The following TNFRSF8 variants were observed in gnomAD, a reference collection of about 807,000 sequenced individuals.
TNFRSF8 encodes tumor necrosis factor receptor superfamily member 8.
Under a neutral mutation model 70.8 loss-of-function variants are expected in TNFRSF8, and 26 were observed. The ratio of observed to expected loss-of-function variants is 0.37; its 90% CI spans 0.27 to 0.51. The LOEUF (loss-of-function observed/expected upper bound fraction) is 0.51, where lower values mean the gene tolerates loss of function less well. Ranked by LOEUF, TNFRSF8 falls within the 20% of genes least tolerant of loss-of-function variation. The probability of loss-of-function intolerance (pLI) is 0.94; values close to 1 mark genes in which losing one functional copy is unlikely to be tolerated. For synonymous variants in TNFRSF8, 356 were observed against 339.2 expected (o/e 1.05, Z -0.54); for missense variants, 720 against 807.9 (o/e 0.89, Z 1.32).
In TNFRSF8 at chr1:12,138,132, G is replaced by C. The variant is rs1383412970; in HGVS notation, c.1336-97G>C. On this transcript the variant is annotated intron_variant, in intron 13 of 14. Coordinates refer to ENST00000263932, the MANE Select transcript of TNFRSF8 (RefSeq NM_001243.5). This position sits in a 1 kb window ranked among gnomAD's most constrained non-coding sequence, Gnocchi z 5.7. ...TTAAAGCAGAAAGGGGGACTCACTGGGGTCTGTAGAGATGAAAAAAAAAAG... is the reference window on the plus strand; with the variant it reads ...TTAAAGCAGAAAGGGGGACTCACTGCGGTCTGTAGAGATGAAAAAAAAAAG... 4.0e-6 allele frequency: 5 copies of C among 1,259,580 alleles called. No individual in the cohort carries two copies. Among genetic ancestry groups the C allele is most frequent in the Non-Finnish European group, 4.4e-6 (4 of 913,832 alleles). The allele number at this position is 1,259,580 out of a possible 1,614,324, so 78.0% of individuals were successfully genotyped here. A position where few individuals can be genotyped will look rare whatever the true frequency, so the allele number is the denominator to read the frequency against.
At chr1:12,084,700 G>A in intron 2 of TNFRSF8, 149 bp downstream of exon 2, 1 of 739,644 alleles carries the variant, frequency 1.4e-6, no homozygotes, top group South Asian at 1.7e-5. Context: ...TAGTGTCGCG[G>A]AGTCCAAGGA....
chr1:12,075,251 A>AAAATT (rs1553153115), intron 1 of TNFRSF8, among the ~76,000 whole-genome samples: 2 of 143,866 alleles, frequency 1.4e-5, no homozygotes, highest in African/African-American at 2.6e-5. Flanking sequence ...CAAAAAAAAA[A>AAAATT]TTTTTTTTTT....
chr1:12,127,102 C>T (rs1641956283), intron 12 of TNFRSF8, among the ~76,000 whole-genome samples: 1 of 152,240 alleles, frequency 6.6e-6, no homozygotes, highest in Non-Finnish European at 1.5e-5. Flanking sequence ...TTCTAGCTCT[C>T]ACCTGGGGCA....
intron 2 of TNFRSF8, among the ~76,000 whole-genome samples, chr1:12,092,281 T>A (rs951733426): frequency 6.6e-6 from 1 of 151,650 alleles, no homozygotes; most frequent in African/African-American, 2.4e-5. Flanking sequence ...TGGGCTGAAG[T>A]GATCCTCCCA....
intron 6 of TNFRSF8, among the ~76,000 whole-genome samples, chr1:12,111,494 T>G (rs1461375391): frequency 1.3e-5 from 2 of 152,030 alleles, no homozygotes; most frequent in Admixed American, 6.6e-5. Context: ...CACCAGTCTT[T>G]AAAAGAGGGA....
chr1:12,083,878 C>T (rs1381683576), intron 1 of TNFRSF8, among the ~76,000 whole-genome samples: 2 of 152,112 alleles, frequency 1.3e-5, no homozygotes, highest in Non-Finnish European at 2.9e-5. Context: ...TATGTAAAAT[C>T]CAAAAGCAGT....
At chr1:12,118,704 G>C (rs1641777633) in intron 8 of TNFRSF8, among the ~76,000 whole-genome samples, 1 of 152,158 alleles carries the variant, frequency 6.6e-6, no homozygotes, top group Admixed American at 6.6e-5. Flanking sequence ...TCATCTCTAG[G>C]TTCTCCATTC....
At chr1:12,106,014 C>T (rs1641517747) in intron 4 of TNFRSF8, among the ~76,000 whole-genome samples, 1 of 151,934 alleles carries the variant, frequency 6.6e-6, no homozygotes, top group Non-Finnish European at 1.5e-5. Context: ...CCCAGTTGAC[C>T]TGCCTTCTTC....
In TNFRSF8 at chr1:12,097,183, C is replaced by T. The variant is rs768327400; in HGVS notation, c.234C>T (p.Ala78=). 3.8e-5 allele frequency: 62 copies of T among 1,613,870 alleles called. No individual in the cohort carries two copies. Among genetic ancestry groups the T allele is most frequent in the East Asian group, 3.6e-4 (16 of 44,894 alleles). Residue 78 remains alanine, a synonymous_variant, in exon 3 of 15, where the codon GCC becomes GCT. Transcript: ENST00000263932. ...AGCCTGACTACTACCTGGATGAGGC[C>T]GACCGCTGTACAGCCTGCGTGACTT... is the stretch of plus-strand genomic sequence containing the variant. ...QCEPDYYLDE[A]DRCTACVTCS...
chr1:12,112,040 C>T lies in TNFRSF8; in HGVS notation c.793+26C>T. On this transcript the variant is annotated intron_variant, in intron 7 of 14. Transcript: ENST00000263932. This position sits in a 1 kb window ranked among gnomAD's most constrained non-coding sequence, Gnocchi z 5.3. ...GTAAGGGCCTCGTCCCTCCCCGGGC[C>T]TCAGTTTACCTCTCTGCATTTTTGA... 8.4e-6 allele frequency: 13 copies of T among 1,547,972 alleles called. No homozygotes were observed. The highest frequency in any genetic ancestry group is 1.1e-5 in the South Asian group (1 of 89,248).
In TNFRSF8 at chr1:12,063,616, C is replaced by A; in HGVS notation, c.18C>A (p.Ala6=). MRVLL[A]ALGLLFLGAL... ...CCCCGGGGATGCGCGTCCTCCTCGC[C>A]GCGCTGGGACTGCTGTTCCTGGGGG... Residue 6 remains alanine, a synonymous_variant, in exon 1 of 15, where the codon GCC becomes GCA. Coordinates refer to ENST00000263932, the MANE Select transcript of TNFRSF8 (RefSeq NM_001243.5). The surrounding 1 kb of genome is among the most constrained non-coding windows in gnomAD (Gnocchi z 7.2). 7.7e-7 allele frequency: 1 copy of A among 1,301,508 alleles called. No homozygotes were observed. Among genetic ancestry groups the A allele is most frequent in the South Asian group, 2.3e-5 (1 of 42,968 alleles). The allele number at this position is 1,301,508 out of a possible 1,614,324, so 80.6% of individuals were successfully genotyped here.
chr1:12,079,224 TAGAC>T (rs1283967333), intron 1 of TNFRSF8, among the ~76,000 whole-genome samples: 1 of 152,042 alleles, frequency 6.6e-6, no homozygotes, highest in East Asian at 1.9e-4. Context: ...AACCTGAAAA[TAGAC>T]AGACCTGAAA....
chr1:12,106,239 T>C (rs959840659), intron 4 of TNFRSF8, among the ~76,000 whole-genome samples: 2 of 152,162 alleles, frequency 1.3e-5, no homozygotes, highest in Non-Finnish European at 2.9e-5. Flanking sequence ...GCTGCCCTTC[T>C]TCCAGGTTGG....
chr1:12,116,463 C>T (rs904701461), intron 8 of TNFRSF8, among the ~76,000 whole-genome samples: 2 of 152,022 alleles, frequency 1.3e-5, no homozygotes, highest in African/African-American at 2.4e-5. Context: ...GAGATTTTAA[C>T]AAATCTCCAG....
In TNFRSF8 at chr1:12,124,878, C is replaced by CAAAACA. The variant is rs148495171; in HGVS notation, c.1153+1054_1153+1055insACAAAA. ...CAAAACAAAACAAAACAAAACAAAACAAACAAAACCCCCAAGAGTTAGCTC... is the reference window on the plus strand; with the variant it reads ...CAAAACAAAACAAAACAAAACAAAACAAAACAAAACAAAACCCCCAAGAGTTAGCTC... On this transcript the variant is annotated intron_variant, in intron 10 of 14. Transcript: ENST00000263932. Among the ~76,000 whole-genome samples, 820 of 141,944 alleles carry CAAAACA rather than the reference C, an allele frequency of 5.8e-3. 8 individuals carry two copies. Among genetic ancestry groups the CAAAACA allele is most frequent in the Non-Finnish European group, 8.7e-3 (566 of 65,186 alleles). The allele number at this position is 141,944 out of a possible 152,430, so 93.1% of individuals were successfully genotyped here.
intron 8 of TNFRSF8, among the ~76,000 whole-genome samples, chr1:12,121,166 G>A (rs1171550158): frequency 6.6e-6 from 1 of 152,212 alleles, no homozygotes; most frequent in East Asian, 1.9e-4. Context: ...CGAGCATGTA[G>A]GAACCATCAT....
Position 12,108,234 on chromosome 1 carries a change from A to G in TNFRSF8, c.422-1332A>G, listed in dbSNP as rs1355296286. On this transcript the variant is annotated intron_variant, in intron 4 of 14. Coordinates refer to ENST00000263932, the MANE Select transcript of TNFRSF8 (RefSeq NM_001243.5). This position sits in a 1 kb window ranked among gnomAD's most constrained non-coding sequence, Gnocchi z 4.0. ...GCTGGGATTACAGGTACCTGCCACCATGCCCGGCTAATTTTTTGTAATTTT... is the reference window on the plus strand; with the variant it reads ...GCTGGGATTACAGGTACCTGCCACCGTGCCCGGCTAATTTTTTGTAATTTT... 6.6e-6 allele frequency among the ~76,000 whole-genome samples: 1 copy of G among 151,778 alleles called. No individual in the cohort carries two copies. Among genetic ancestry groups the G allele is most frequent in the Non-Finnish European group, 1.5e-5 (1 of 67,940 alleles).
At chr1:12,134,109 G>A (rs1033005183) in intron 12 of TNFRSF8, among the ~76,000 whole-genome samples, 4 of 152,156 alleles carry the variant, frequency 2.6e-5, no homozygotes, top group African/African-American at 9.7e-5. Flanking sequence ...GTGTTCAAAT[G>A]GTCAGTCTTG....
chr1:12,111,868 G>A, intron 6 of TNFRSF8, 30 bp from the exon 7 acceptor site: 1 of 1,602,138 alleles, frequency 6.2e-7, no homozygotes, highest in Non-Finnish European at 8.6e-7. Context: ...AAGGCGGCCT[G>A]GCCTGCAGCT....
Sources: allele counts gnomAD v4.1 joint callset (sites outside exome capture counted in the v4.1 genomes callset), GRCh38; gene constraint gnomAD v4.1.1; non-coding constraint Gnocchi (gnomAD v3.1); transcripts MANE v1.5; gene names NCBI Gene and HGNC (gene_info 2026-07-23, HGNC 2026-07-21).